Variants in SLC66A3 observed in about 807,000 individuals in gnomAD.
SLC66A3 encodes PQ loop repeat containing 3.
A neutral mutation model predicts 25.5 loss-of-function variants in SLC66A3; 23 were observed. That is an observed-to-expected ratio of 0.90 (90% CI 0.65 to 1.28). The LOEUF is 1.28. Ranked by LOEUF, SLC66A3 falls within the 50% of genes most tolerant of loss-of-function variation. The pLI, the probability that SLC66A3 is intolerant of heterozygous loss-of-function variation, is 0.00. For synonymous variants in SLC66A3, 108 were observed against 112.6 expected (o/e 0.96, Z 0.26); for missense variants, 246 against 262.1 (o/e 0.94, Z 0.42).
intron 1 of SLC66A3, among the ~76,000 whole-genome samples, chr2:11,158,773 C>T (rs535306992): frequency 3.9e-5 from 6 of 152,198 alleles, no homozygotes; most frequent in African/African-American, 9.6e-5. Context: ...TGACTGAGAT[C>T]GCGCCACTGC....
At chr2:11,169,798 C>A (rs1342255924) in intron 4 of SLC66A3, among the ~76,000 whole-genome samples, 1 of 150,948 alleles carries the variant, frequency 6.6e-6, no homozygotes, top group Non-Finnish European at 1.5e-5. Context: ...ACTGCAAAGG[C>A]CAGAAACACC....
chr2:11,175,503 G>A (rs1274246099), intron 6 of SLC66A3, among the ~76,000 whole-genome samples: 3 of 152,216 alleles, frequency 2.0e-5, no homozygotes, highest in Non-Finnish European at 4.4e-5. Context: ...AGGACAAAGG[G>A]CTAGAGTGCG....
chr2:11,176,386 T>C (rs368988526), intron 6 of SLC66A3, among the ~76,000 whole-genome samples: 1 of 151,988 alleles, frequency 6.6e-6, no homozygotes, highest in East Asian at 1.9e-4. Context: ...CAACTAATTT[T>C]TGTATTTTTA....
chr2:11,174,465 C>T (rs1242445060), intron 5 of SLC66A3, among the ~76,000 whole-genome samples: 1 of 152,084 alleles, frequency 6.6e-6, no homozygotes, highest in Non-Finnish European at 1.5e-5. Context: ...ACCATTGGGC[C>T]ATTGGGGTAG....
At position 11,160,467 on chromosome 2, in the gene SLC66A3, T is replaced by C; in HGVS notation, c.145T>C (p.Phe49Leu). Reference sequence around the variant, plus strand: ...GGACATGTGCCCTTCTCTCTCCAGATTCCTGGTGTTTCTGCGGTACCAGTG... The same window carrying C: ...GGACATGTGCCCTTCTCTCTCCAGACTCCTGGTGTTTCTGCGGTACCAGTG... The part of the protein sequence containing the change: ...LPSLLLELAG[F>L]LVFLRYQCYY... Residue 49 changes from phenylalanine to leucine, a missense_variant and splice_region_variant, in exon 2 of 7, where the codon TTC becomes CTC. Coordinates refer to ENST00000295083, the MANE Select transcript of SLC66A3 (RefSeq NM_152391.5). The C allele has an allele frequency of 6.2e-7, 1 of 1,614,120 alleles. No individual in the cohort carries two copies. Among genetic ancestry groups the C allele is most frequent in the Non-Finnish European group, 8.5e-7 (1 of 1,179,988 alleles).
intron 5 of SLC66A3, 88 bp from the exon 6 acceptor site, chr2:11,174,880 T>A: frequency 1.3e-6 from 1 of 775,164 alleles, no homozygotes; most frequent in Non-Finnish European, 2.2e-6. Context: ...TAATATATAT[T>A]GGGATATTAA....
chr2:11,168,003 G>T lies in SLC66A3; in HGVS notation c.354+3742G>T, dbSNP rs189747144. Among the ~76,000 whole-genome samples, 5 of 152,292 alleles carry T rather than the reference G, an allele frequency of 3.3e-5. No homozygotes were observed. The East Asian group carries it at 9.6e-4, about 29-fold the overall frequency. On this transcript the variant is annotated intron_variant, in intron 4 of 6. Coordinates refer to ENST00000295083, the MANE Select transcript of SLC66A3 (RefSeq NM_152391.5). ...GTACTTAAAAATGATCTGCAAGGCC[G>T]GGTGCGGTGGCTCACGCCTGTGATC...
chr2:11,168,056 G>A (rs571530426), intron 4 of SLC66A3, among the ~76,000 whole-genome samples: 2 of 152,236 alleles, frequency 1.3e-5, no homozygotes, highest in East Asian at 3.9e-4. Context: ...CGAGACGGGC[G>A]GATCACAAGG....
intron 4 of SLC66A3, among the ~76,000 whole-genome samples, chr2:11,166,137 G>A (rs1173008929): frequency 6.6e-6 from 1 of 152,194 alleles, no homozygotes; most frequent in Non-Finnish European, 1.5e-5. Flanking sequence ...GCCTCCCAAA[G>A]TGCTGGGATT....
At chr2:11,162,136 C>G (rs1662149729) in intron 3 of SLC66A3, among the ~76,000 whole-genome samples, 1 of 152,196 alleles carries the variant, frequency 6.6e-6, no homozygotes, top group African/African-American at 2.4e-5. Flanking sequence ...GAAACACAGT[C>G]AAGCAGAGTA....
chr2:11,167,436 C>G (rs1278157070), intron 4 of SLC66A3, among the ~76,000 whole-genome samples: 2 of 152,124 alleles, frequency 1.3e-5, no homozygotes, highest in Admixed American at 6.5e-5. Context: ...GAGCAAGACT[C>G]CATTTCAAAA....
intron 5 of SLC66A3, among the ~76,000 whole-genome samples, chr2:11,173,438 G>T (rs1303751488): frequency 1.3e-5 from 2 of 152,208 alleles, no homozygotes; most frequent in Admixed American, 1.3e-4. Flanking sequence ...AGAGTCCTTT[G>T]TTGGCCGCCT....
At chr2:11,160,737 T>G (rs1158124693) in intron 3 of SLC66A3, 43 bp downstream of exon 3, 1 of 1,613,426 alleles carries the variant, frequency 6.2e-7, no homozygotes, top group Admixed American at 1.7e-5. Context: ...ACGGGGATGT[T>G]ATTTGTGAAT....
chr2:11,165,764 G>C (rs760743085), intron 4 of SLC66A3, among the ~76,000 whole-genome samples: 3 of 152,226 alleles, frequency 2.0e-5, no homozygotes, highest in Non-Finnish European at 4.4e-5. Flanking sequence ...CTGCAATCCC[G>C]GCACCTCGGG....
At chr2:11,161,567 G>A (rs1321729160) in intron 3 of SLC66A3, among the ~76,000 whole-genome samples, 1 of 152,092 alleles carries the variant, frequency 6.6e-6, no homozygotes, top group Non-Finnish European at 1.5e-5. Context: ...CACCCAGGCT[G>A]GAGTGCAGTG....
At chr2:11,160,234 G>A (rs986788549) in intron 1 of SLC66A3, 57 of 595,088 alleles carry the variant, frequency 9.6e-5, no homozygotes, top group Non-Finnish European at 1.3e-4. Context: ...TATAGAGATC[G>A]TGGGTATTGC....
intron 4 of SLC66A3, 85 bp downstream of exon 4, chr2:11,164,346 T>TATATA (rs1553289115): frequency 1.6e-4 from 12 of 76,766 alleles, no homozygotes; most frequent in South Asian, 6.2e-4. Flanking sequence ...TATATATATA[T>TATATA]TTTTTTTTTT....
chr2:11,167,639 A>G (rs929632036), intron 4 of SLC66A3, among the ~76,000 whole-genome samples: 18 of 152,174 alleles, frequency 1.2e-4, no homozygotes, highest in African/African-American at 4.1e-4. Flanking sequence ...GTGTCTGCCC[A>G]TAGCCCTCCT....
At chr2:11,163,582 T>C (rs1370834434) in intron 3 of SLC66A3, among the ~76,000 whole-genome samples, 1 of 152,242 alleles carries the variant, frequency 6.6e-6, no homozygotes, top group Admixed American at 6.5e-5. Flanking sequence ...GGTGGAAAGA[T>C]GGAAAGTGAC....
Sources: allele counts gnomAD v4.1 joint callset (sites outside exome capture counted in the v4.1 genomes callset), GRCh38; gene constraint gnomAD v4.1.1; transcripts MANE v1.5; gene names NCBI Gene and HGNC (gene_info 2026-07-23, HGNC 2026-07-21).